The following HPDL variants were observed in gnomAD, a reference collection of about 807,000 sequenced individuals.
HPDL encodes the protein 4-hydroxyphenylpyruvate dioxygenase-like protein.
In HPDL, 7 loss-of-function variants were observed where a neutral mutation model predicts 9.8. The ratio of observed to expected loss-of-function variants is 0.71; its 90% CI spans 0.41 to 1.34. The LOEUF (loss-of-function observed/expected upper bound fraction) is 1.34, where lower values mean the gene tolerates loss of function less well. Ranked by LOEUF, HPDL falls within the 40% of genes most tolerant of loss-of-function variation. The pLI is 0.01. For missense variants in HPDL, 530 were observed against 495.1 expected (o/e 1.07, Z -0.67); for synonymous variants, 250 against 228.2 (o/e 1.10, Z -0.86).
rs1553121938 is a variant in HPDL, at chr1:45,327,810, C to G, written c.662C>G (p.Pro221Arg). ...GLRLTALQAQ[P>R]GSIVPTLVLA... is the part of the protein sequence containing the mutation. ...AGGCTTACAGCCCTGCAGGCCCAGC[C>G]GGGCAGCATTGTCCCCACTCTTGTT... The change falls in exon 1 of 1, where the codon CCG becomes CGG. Residue 221 changes from proline to arginine, a missense_variant. Physicochemically the swap from Pro to Arg is moderately radical, Grantham distance 103 (BLOSUM62 -2). Transcript: ENST00000334815. The surrounding 1 kb of genome is among the most constrained non-coding windows in gnomAD (Gnocchi z 6.3). The G allele has an allele frequency of 5.1e-6, 8 of 1,583,744 alleles. No individual in the cohort carries two copies. The Admixed American group carries it at 8.8e-5, about 18-fold the overall frequency.
rs775557495 is a variant in HPDL, at chr1:45,327,333, C to G, written c.185C>G (p.Ser62Cys). The G allele has an allele frequency of 4.4e-6, 7 of 1,579,906 alleles. No individual in the cohort carries two copies. The highest frequency in any genetic ancestry group is 1.1e-5 in the South Asian group (1 of 87,878). Reference sequence around the variant, plus strand: ...TTTTTGGTGAACGAGGGCGCAGGGTCTGGAGAGCCGCTGTACGGCCTGGAT... The same window carrying G: ...TTTTTGGTGAACGAGGGCGCAGGGTGTGGAGAGCCGCTGTACGGCCTGGAT... ...AVFLVNEGAGSGEPLYGLDPR... is the reference protein window; with the variant it reads ...AVFLVNEGAGCGEPLYGLDPR... The change falls in exon 1 of 1, where the codon TCT becomes TGT. Residue 62 changes from serine to cysteine, a missense_variant. Physicochemically the swap from Ser to Cys is moderately radical, Grantham distance 112. Transcript: ENST00000334815. This position sits in a 1 kb window ranked among gnomAD's most constrained non-coding sequence, Gnocchi z 6.3.
Position 45,327,974 on chromosome 1 carries a change from G to T in HPDL, c.826G>T (p.Ala276Ser), listed in dbSNP as rs765497501. The change falls in exon 1 of 1, where the codon GCT (alanine) becomes TCT (serine). Residue 276 changes from alanine to serine, a missense_variant. Coordinates refer to ENST00000334815, the MANE Select transcript of HPDL (RefSeq NM_032756.4). The surrounding 1 kb of genome is among the most constrained non-coding windows in gnomAD (Gnocchi z 6.3). ...IVEATEGVAT[A>S]GGQFLAPPGA... Reference sequence around the variant, plus strand: ...GGAGGCCACTGAGGGGGTGGCAACTGCTGGAGGCCAGTTCCTGGCTCCCCC... The same window carrying T: ...GGAGGCCACTGAGGGGGTGGCAACTTCTGGAGGCCAGTTCCTGGCTCCCCC... 1 of 1,607,664 alleles carries T rather than the reference G, an allele frequency of 6.2e-7. No individual in the cohort carries two copies. The highest frequency in any genetic ancestry group is 2.2e-5 in the East Asian group (1 of 44,822).
Position 45,327,629 on chromosome 1 carries a change from G to A in HPDL, c.481G>A (p.Val161Met), listed in dbSNP as rs763627175. ...SAPGPGWVSR[V>M]DHLTLACTPG... ...GCCTGGCCCCGGGTGGGTCAGCCGC[G>A]TGGACCACCTGACCTTGGCCTGCAC... Residue 161 changes from valine (V) to methionine (M), a missense_variant, in exon 1 of 1, where the codon GTG (valine) becomes ATG (methionine). Val to Met is a conservative substitution (Grantham distance 21). Transcript: ENST00000334815. This position sits in a 1 kb window ranked among gnomAD's most constrained non-coding sequence, Gnocchi z 6.3. 1.6e-5 allele frequency: 25 copies of A among 1,612,464 alleles called. No homozygotes were observed. The highest frequency in any genetic ancestry group is 2.1e-5 in the Non-Finnish European group (25 of 1,179,730).
chr1:45,327,945 T>C lies in HPDL; in HGVS notation c.797T>C (p.Ile266Thr), dbSNP rs769373772. 5.0e-6 allele frequency: 8 copies of C among 1,593,440 alleles called. No homozygotes were observed. The highest frequency in any genetic ancestry group is 6.8e-6 in the Non-Finnish European group (8 of 1,169,092). ...CACGTGGGGCTGTATACGCCTAACA[T>C]TGTGGAGGCCACTGAGGGGGTGGCA... ...LQHVGLYTPN[I>T]VEATEGVATA... Residue 266 changes from isoleucine (I) to threonine (T), a missense_variant, in exon 1 of 1, where the codon ATT (isoleucine) becomes ACT (threonine). Ile to Thr is a moderately conservative substitution (Grantham distance 89). Transcript: ENST00000334815. This position sits in a 1 kb window ranked among gnomAD's most constrained non-coding sequence, Gnocchi z 6.3.
rs763960916 is a variant in HPDL, at chr1:45,327,245, C to T, written c.97C>T (p.Pro33Ser). 1 of 1,605,004 alleles carries T rather than the reference C, an allele frequency of 6.2e-7. No individual in the cohort carries two copies. Among genetic ancestry groups the T allele is most frequent in the South Asian group, 1.1e-5 (1 of 90,692 alleles). Reference protein sequence around the residue: ...RNLQRLFGFQPLASREVDGWR... With the variant: ...RNLQRLFGFQSLASREVDGWR... Reference sequence around the variant, plus strand: ...CCTGCAGCGCCTCTTCGGCTTCCAGCCCCTGGCTTCGCGGGAGGTGGACGG... The same window carrying T: ...CCTGCAGCGCCTCTTCGGCTTCCAGTCCCTGGCTTCGCGGGAGGTGGACGG... The change falls in exon 1 of 1, where the codon CCC (proline) becomes TCC (serine). Residue 33 changes from proline (P) to serine (S), a missense_variant. Transcript: ENST00000334815. The surrounding 1 kb of genome is among the most constrained non-coding windows in gnomAD (Gnocchi z 6.3).
Position 45,327,576 on chromosome 1 carries a change from T to G in HPDL, c.428T>G (p.Leu143Arg), listed in dbSNP as rs1644250971. ...CGCGCTGGCTACCGCGGACCCTTCC[T>G]ACCCGGCTTCAGGCCCGTGTCCTCT... ...LERAGYRGPF[L>R]PGFRPVSSAP... The change falls in exon 1 of 1, where the codon CTA becomes CGA. Residue 143 changes from leucine (L) to arginine (R), a missense_variant. Transcript: ENST00000334815. The surrounding 1 kb of genome is among the most constrained non-coding windows in gnomAD (Gnocchi z 6.3). 4 of 1,611,160 alleles carry G rather than the reference T, an allele frequency of 2.5e-6. No homozygotes were observed. Among genetic ancestry groups the G allele is most frequent in the Non-Finnish European group, 3.4e-6 (4 of 1,179,772 alleles).
chr1:45,327,270 G>A lies in HPDL; in HGVS notation c.122G>A (p.Gly41Asp), dbSNP rs1267612808. The A allele has an allele frequency of 1.9e-6, 3 of 1,596,034 alleles. No individual in the cohort carries two copies. The highest frequency in any genetic ancestry group is 2.6e-6 in the Non-Finnish European group (3 of 1,173,686). ...FQPLASREVD[G>D]WRQLALRSGD... Reference sequence around the variant, plus strand: ...CCCCTGGCTTCGCGGGAGGTGGACGGCTGGCGGCAGCTAGCCCTGCGCAGC... The same window carrying A: ...CCCCTGGCTTCGCGGGAGGTGGACGACTGGCGGCAGCTAGCCCTGCGCAGC... Residue 41 changes from glycine to aspartate, a missense_variant, in exon 1 of 1, where the codon GGC becomes GAC. Gly to Asp is a moderately conservative substitution (Grantham distance 94). Coordinates refer to ENST00000334815, the MANE Select transcript of HPDL (RefSeq NM_032756.4). The surrounding 1 kb of genome is among the most constrained non-coding windows in gnomAD (Gnocchi z 6.3).
rs989898260 is a variant in HPDL, at chr1:45,327,236, G to C, written c.88G>C (p.Gly30Arg). ...PLARNLQRLF[G>R]FQPLASREVD... is the part of the protein sequence containing the mutation. The stretch of plus-strand genomic sequence containing the variant: ...AGCCCGGAACCTGCAGCGCCTCTTC[G>C]GCTTCCAGCCCCTGGCTTCGCGGGA... Residue 30 changes from glycine to arginine, a missense_variant, in exon 1 of 1, where the codon GGC (glycine) becomes CGC (arginine). Coordinates refer to ENST00000334815, the MANE Select transcript of HPDL (RefSeq NM_032756.4). This position sits in a 1 kb window ranked among gnomAD's most constrained non-coding sequence, Gnocchi z 6.3. 5.6e-6 allele frequency: 9 copies of C among 1,603,776 alleles called. No individual in the cohort carries two copies. The highest frequency in any genetic ancestry group is 7.7e-6 in the Non-Finnish European group (9 of 1,176,278).
Position 45,327,436 on chromosome 1 carries a change from A to C in HPDL, c.288A>C (p.Ala96=). The C allele has an allele frequency of 6.3e-7, 1 of 1,585,890 alleles. No homozygotes were observed. Among genetic ancestry groups the C allele is most frequent in the Non-Finnish European group, 8.5e-7 (1 of 1,172,178 alleles). The stretch of plus-strand genomic sequence containing the variant: ...CCGGCGCTGCAACCCGGGAGCTGGC[A>C]GCGCTGGGCTGCAGCGTGCCTGTCC... ...ADAGAATREL[A]ALGCSVPVPP... is the part of the protein sequence containing the mutation. The change falls in exon 1 of 1, where the codon GCA becomes GCC. Residue 96 remains alanine (A), a synonymous_variant. Transcript: ENST00000334815. This position sits in a 1 kb window ranked among gnomAD's most constrained non-coding sequence, Gnocchi z 6.3.
rs746273326 is a variant in HPDL, at chr1:45,327,563, C to G, written c.415C>G (p.Arg139Gly). Reference sequence around the variant, plus strand: ...GACCTTGCTGGAGCGCGCTGGCTACCGCGGACCCTTCCTACCCGGCTTCAG... The same window carrying G: ...GACCTTGCTGGAGCGCGCTGGCTACGGCGGACCCTTCCTACCCGGCTTCAG... ...SLTLLERAGYRGPFLPGFRPV... is the reference protein window; with the variant it reads ...SLTLLERAGYGGPFLPGFRPV... Residue 139 changes from arginine to glycine, a missense_variant, in exon 1 of 1, where the codon CGC becomes GGC. Arg to Gly is a moderately radical substitution (Grantham distance 125). Coordinates refer to ENST00000334815, the MANE Select transcript of HPDL (RefSeq NM_032756.4). The surrounding 1 kb of genome is among the most constrained non-coding windows in gnomAD (Gnocchi z 6.3). The G allele has an allele frequency of 6.2e-7, 1 of 1,609,918 alleles. No individual in the cohort carries two copies. Among genetic ancestry groups the G allele is most frequent in the Non-Finnish European group, 8.5e-7 (1 of 1,179,712 alleles).
rs753383257 is a variant in HPDL, at chr1:45,327,724, C to G, written c.576C>G (p.Ser192Arg). Residue 192 changes from serine to arginine, a missense_variant, in exon 1 of 1, where the codon AGC becomes AGG. Coordinates refer to ENST00000334815, the MANE Select transcript of HPDL (RefSeq NM_032756.4). This position sits in a 1 kb window ranked among gnomAD's most constrained non-coding sequence, Gnocchi z 6.3. ...TGGGCTTTTGCCACTTGCCGCTGAGCCCAGGTGAGGATCCCGAGCTGGGCC... is the reference window on the plus strand; with the variant it reads ...TGGGCTTTTGCCACTTGCCGCTGAGGCCAGGTGAGGATCCCGAGCTGGGCC... Reference protein sequence around the residue: ...DCLGFCHLPLSPGEDPELGLE... With the variant: ...DCLGFCHLPLRPGEDPELGLE... The G allele has an allele frequency of 3.2e-5, 52 of 1,612,316 alleles. 1 individual carries two copies. In the South Asian group the frequency reaches 4.8e-4, roughly 15 times the overall value.
chr1:45,327,660 G>T lies in HPDL; in HGVS notation c.512G>T (p.Gly171Val). The T allele has an allele frequency of 6.2e-7, 1 of 1,611,352 alleles. No individual in the cohort carries two copies. The highest frequency in any genetic ancestry group is 8.5e-7 in the Non-Finnish European group (1 of 1,178,570). ...VDHLTLACTP[G>V]SSPTLLRWFH... ...CACCTGACCTTGGCCTGCACCCCCG[G>T]CAGCTCCCCCACACTTTTGCGCTGG... The change falls in exon 1 of 1, where the codon GGC (glycine) becomes GTC (valine). Residue 171 changes from glycine (G) to valine (V), a missense_variant. Coordinates refer to ENST00000334815, the MANE Select transcript of HPDL (RefSeq NM_032756.4). The surrounding 1 kb of genome is among the most constrained non-coding windows in gnomAD (Gnocchi z 6.3).
chr1:45,327,409 C>T lies in HPDL; in HGVS notation c.261C>T (p.Asp87=), dbSNP rs779527069. Reference sequence around the variant, plus strand: ...CAAACCTGTGCTTCGACGTGGCGGACGCCGGCGCTGCAACCCGGGAGCTGG... The same window carrying T: ...CAAACCTGTGCTTCGACGTGGCGGATGCCGGCGCTGCAACCCGGGAGCTGG... The part of the protein sequence containing the change: ...SATNLCFDVA[D]AGAATRELAA... The change falls in exon 1 of 1, where the codon GAC becomes GAT. Residue 87 remains aspartate, a synonymous_variant. Transcript: ENST00000334815. This position sits in a 1 kb window ranked among gnomAD's most constrained non-coding sequence, Gnocchi z 6.3. 5 of 1,584,618 alleles carry T rather than the reference C, an allele frequency of 3.2e-6. No individual in the cohort carries two copies. The highest frequency in any genetic ancestry group is 4.3e-6 in the Non-Finnish European group (5 of 1,170,954).
At position 45,327,665 on chromosome 1, in the gene HPDL, T is replaced by C. The variant is rs781353376; in HGVS notation, c.517T>C (p.Ser173Pro). The C allele has an allele frequency of 6.2e-7, 1 of 1,610,614 alleles. No homozygotes were observed. The highest frequency in any genetic ancestry group is 2.2e-5 in the East Asian group (1 of 44,778). ...HLTLACTPGS[S>P]PTLLRWFHDC... is the part of the protein sequence containing the mutation. ...GACCTTGGCCTGCACCCCCGGCAGCTCCCCCACACTTTTGCGCTGGTTCCA... is the reference window on the plus strand; with the variant it reads ...GACCTTGGCCTGCACCCCCGGCAGCCCCCCCACACTTTTGCGCTGGTTCCA... The change falls in exon 1 of 1, where the codon TCC becomes CCC. Residue 173 changes from serine (S) to proline (P), a missense_variant. Coordinates refer to ENST00000334815, the MANE Select transcript of HPDL (RefSeq NM_032756.4). The surrounding 1 kb of genome is among the most constrained non-coding windows in gnomAD (Gnocchi z 6.3).
Position 45,328,260 on chromosome 1 carries a change from C to T in HPDL, c.1112C>T (p.Ala371Val), listed in dbSNP as rs774472385. 10 of 1,613,078 alleles carry T rather than the reference C, an allele frequency of 6.2e-6. No homozygotes were observed. The highest frequency in any genetic ancestry group is 8.5e-7 in the Non-Finnish European group (1 of 1,179,312). The change falls in exon 1 of 1, where the codon GCC becomes GTC. Residue 371 changes from alanine (A) to valine (V), a missense_variant. Ala to Val is a moderately conservative substitution (Grantham distance 64). Coordinates refer to ENST00000334815, the MANE Select transcript of HPDL (RefSeq NM_032756.4). The stretch of plus-strand genomic sequence containing the variant: ...GAGCAATCTGCCAGGAGCCAGGAAG[C>T]CTAAGGATGCCCAGGGCTGGGTGCA... ...VQEQSARSQE[A>V]
rs1182412184 is a variant in HPDL, at chr1:45,327,405, C to G, written c.257C>G (p.Ala86Gly). ...PSATNLCFDV[A>G]DAGAATRELA... is the part of the protein sequence containing the mutation. Reference sequence around the variant, plus strand: ...GCCACAAACCTGTGCTTCGACGTGGCGGACGCCGGCGCTGCAACCCGGGAG... The same window carrying G: ...GCCACAAACCTGTGCTTCGACGTGGGGGACGCCGGCGCTGCAACCCGGGAG... Residue 86 changes from alanine to glycine, a missense_variant, in exon 1 of 1, where the codon GCG becomes GGG. Coordinates refer to ENST00000334815, the MANE Select transcript of HPDL (RefSeq NM_032756.4). This position sits in a 1 kb window ranked among gnomAD's most constrained non-coding sequence, Gnocchi z 6.3. 1.9e-6 allele frequency: 3 copies of G among 1,583,790 alleles called. No individual in the cohort carries two copies. The highest frequency in any genetic ancestry group is 2.6e-6 in the Non-Finnish European group (3 of 1,170,488).
Position 45,328,051 on chromosome 1 carries a change from G to A in HPDL, c.903G>A (p.Gly301=), listed in dbSNP as rs773533856. Residue 301 remains glycine (G), a synonymous_variant, in exon 1 of 1, where the codon GGG becomes GGA. Coordinates refer to ENST00000334815, the MANE Select transcript of HPDL (RefSeq NM_032756.4). ...AGGAGAGGCAGATCCGAGCTGCAGG[G>A]CACGAGCCTCATCTGCTTGCTCGAC... ...PGKERQIRAA[G]HEPHLLARQG... is the part of the protein sequence containing the mutation. 1.2e-6 allele frequency: 2 copies of A among 1,614,244 alleles called. No homozygotes were observed. Among genetic ancestry groups the A allele is most frequent in the East Asian group, 2.2e-5 (1 of 44,890 alleles).
chr1:45,327,191 G>C lies in HPDL; in HGVS notation c.43G>C (p.Val15Leu). ...TCGTTTGTGCCACATCGCCTTCCAC[G>C]TGCCCGCCGGGCAGCCCCTAGCCCG... ...ALRLCHIAFH[V>L]PAGQPLARNL... Residue 15 changes from valine to leucine, a missense_variant, in exon 1 of 1, where the codon GTG (valine) becomes CTG (leucine). Val to Leu is a conservative substitution (Grantham distance 32). Transcript: ENST00000334815. This position sits in a 1 kb window ranked among gnomAD's most constrained non-coding sequence, Gnocchi z 6.3. 6.3e-7 allele frequency: 1 copy of C among 1,587,654 alleles called. No homozygotes were observed. The highest frequency in any genetic ancestry group is 8.6e-7 in the Non-Finnish European group (1 of 1,165,850).
Position 45,328,121 on chromosome 1 carries a change from G to A in HPDL, c.973G>A (p.Val325Ile). 3 of 1,614,236 alleles carry A rather than the reference G, an allele frequency of 1.9e-6. No homozygotes were observed. The highest frequency in any genetic ancestry group is 2.5e-6 in the Non-Finnish European group (3 of 1,180,048). Residue 325 changes from valine (V) to isoleucine (I), a missense_variant, in exon 1 of 1, where the codon GTC (valine) becomes ATC (isoleucine). Coordinates refer to ENST00000334815, the MANE Select transcript of HPDL (RefSeq NM_032756.4). The stretch of plus-strand genomic sequence containing the variant: ...TGATAAAGGCAAGTTTCTGCTTCAG[G>A]TCTTCACCAAGTCCCTTTTTACTGA... ...DGDKGKFLLQ[V>I]FTKSLFTEDT...
Sources: allele counts gnomAD v4.1 joint callset, GRCh38; gene constraint gnomAD v4.1.1; non-coding constraint Gnocchi (gnomAD v3.1); transcripts MANE v1.5; gene names NCBI Gene and HGNC (gene_info 2026-07-23, HGNC 2026-07-21).